MKLN1: variants seen among roughly 807,000 people sequenced by gnomAD.
MKLN1 encodes muskelin 1, also known as muskelin.
A neutral mutation model predicts 99.0 loss-of-function variants in MKLN1; 18 were observed. The observed-to-expected ratio is 0.18, with a 90% confidence interval of 0.13 to 0.27. MKLN1 has a LOEUF of 0.27. MKLN1 is among the 10% of genes least tolerant of loss of function. The probability of loss-of-function intolerance (pLI) is 1.00; values close to 1 mark genes in which losing one functional copy is unlikely to be tolerated. For synonymous variants in MKLN1, 288 were observed against 293.2 expected, an observed-to-expected ratio of 0.98 and a Z score of 0.18; for missense variants, 621 against 875.9, an observed-to-expected ratio of 0.71 and a Z score of 3.67.
chr7:131,253,184 T>C (rs945719422), intron 3 of MKLN1, among the ~76,000 whole-genome samples: 4 of 152,154 alleles, frequency 2.6e-5, no homozygotes, highest in African/African-American at 9.7e-5. Context: ...GTAAGAACAG[T>C]TGGGAGTCCA....
chr7:131,460,976 C>G (rs982333270), intron 12 of MKLN1, among the ~76,000 whole-genome samples: 11 of 152,182 alleles, frequency 7.2e-5, no homozygotes, highest in Admixed American at 5.2e-4. Context: ...CACATCACTT[C>G]TGAAAATTTA....
intron 2 of MKLN1, among the ~76,000 whole-genome samples, chr7:131,197,228 G>C (rs1796660362): frequency 6.6e-6 from 1 of 151,824 alleles, no homozygotes; most frequent in Admixed American, 6.6e-5. Flanking sequence ...TTTTGAGACA[G>C]GGTCTCGCTT....
chr7:131,335,616 TG>T (rs1365341254), intron 1 of MKLN1, among the ~76,000 whole-genome samples: 2 of 152,074 alleles, frequency 1.3e-5, no homozygotes, highest in African/African-American at 4.8e-5. Context: ...TCCCACAAAT[TG>T]TGGTATGTTA....
chr7:131,120,091 A>G (rs1417745611), intron 1 of MKLN1, among the ~76,000 whole-genome samples: 1 of 149,404 alleles, frequency 6.7e-6, no homozygotes, highest in African/African-American at 2.5e-5. Flanking sequence ...GAATGGTGTG[A>G]ACCTGGGAGG....
intron 3 of MKLN1, among the ~76,000 whole-genome samples, chr7:131,307,472 T>G (rs1798484791): frequency 6.6e-6 from 1 of 152,030 alleles, no homozygotes; most frequent in Non-Finnish European, 1.5e-5. Context: ...CTGCAGGAAC[T>G]CAAGGGCAGC....
chr7:131,198,213 T>G (rs1213348812), intron 2 of MKLN1, among the ~76,000 whole-genome samples: 1 of 152,246 alleles, frequency 6.6e-6, no homozygotes, highest in African/African-American at 2.4e-5. Context: ...TAATTCATCC[T>G]GCTTTGTTGC....
chr7:131,319,611 A>C (rs1798735328), intron 3 of MKLN1, among the ~76,000 whole-genome samples: 1 of 152,178 alleles, frequency 6.6e-6, no homozygotes, highest in Non-Finnish European at 1.5e-5. Flanking sequence ...CAGGCAAGAG[A>C]AAGAAATAAA....
intron 17 of MKLN1, among the ~76,000 whole-genome samples, chr7:131,484,399 G>T (rs1797215673): frequency 6.6e-6 from 1 of 152,086 alleles, no homozygotes; most frequent in Non-Finnish European, 1.5e-5. Context: ...CTCTTTCTGT[G>T]TAAAAGAGGT....
intron 2 of MKLN1, among the ~76,000 whole-genome samples, chr7:131,162,548 A>T: frequency 6.6e-6 from 1 of 152,204 alleles, no homozygotes; most frequent in Non-Finnish European, 1.5e-5. Context: ...GCACAAAATT[A>T]TTAACAGTAT....
At chr7:131,264,681 T>C (rs1797782218) in intron 3 of MKLN1, among the ~76,000 whole-genome samples, 1 of 152,184 alleles carries the variant, frequency 6.6e-6, no homozygotes, top group Admixed American at 6.5e-5. Context: ...TTATTGCTTA[T>C]TCGTGTTTGT....
chr7:131,274,376 C>G (rs968382205), intron 3 of MKLN1, among the ~76,000 whole-genome samples: 1 of 152,048 alleles, frequency 6.6e-6, no homozygotes, highest in Non-Finnish European at 1.5e-5. Context: ...GGAGTGGTGG[C>G]TCACGCCTGT....
chr7:131,371,834 A>G (rs1417234943), intron 1 of MKLN1, among the ~76,000 whole-genome samples: 4 of 151,518 alleles, frequency 2.6e-5, no homozygotes, highest in East Asian at 3.9e-4. Context: ...TTTAGAATCA[A>G]TTTCTTCTCA....
intron 3 of MKLN1, among the ~76,000 whole-genome samples, chr7:131,287,017 G>A (rs767087411): frequency 1.3e-5 from 2 of 152,198 alleles, no homozygotes; most frequent in South Asian, 2.1e-4. Context: ...TGGGAGGATC[G>A]ATTGAGCCCT....
At chr7:131,400,904 A>G (rs928717820) in intron 6 of MKLN1, among the ~76,000 whole-genome samples, 2 of 152,148 alleles carry the variant, frequency 1.3e-5, no homozygotes, top group Non-Finnish European at 2.9e-5. Flanking sequence ...TAGTTTTTGT[A>G]CTGTGAATAC....
chr7:131,151,694 AT>A (rs1385137953), intron 2 of MKLN1, among the ~76,000 whole-genome samples: 2 of 152,250 alleles, frequency 1.3e-5, no homozygotes, highest in Non-Finnish European at 2.9e-5. Context: ...CAGTATAAAA[AT>A]ATAGAATACA....
intron 1 of MKLN1, among the ~76,000 whole-genome samples, chr7:131,329,853 C>T (rs1476288991): frequency 6.6e-6 from 1 of 152,174 alleles, no homozygotes; most frequent in Admixed American, 6.6e-5. Flanking sequence ...TACATTGCTG[C>T]AATTTTCTCA....
intron 4 of MKLN1, among the ~76,000 whole-genome samples, chr7:131,393,280 C>A (rs1422889615): frequency 6.6e-6 from 1 of 152,130 alleles, no homozygotes; most frequent in Non-Finnish European, 1.5e-5. Flanking sequence ...ACAAAGAACA[C>A]GTGCCTGGAG....
intron 5 of MKLN1, among the ~76,000 whole-genome samples, chr7:131,397,609 G>T (rs1013330047): frequency 6.6e-6 from 1 of 152,120 alleles, no homozygotes; most frequent in East Asian, 1.9e-4. Flanking sequence ...TATAGATGAA[G>T]AAATGAAGAA....
intron 2 of MKLN1, among the ~76,000 whole-genome samples, chr7:131,198,744 T>C (rs988487243): frequency 2.0e-5 from 3 of 152,166 alleles, no homozygotes; most frequent in Admixed American, 2.0e-4. Flanking sequence ...TAAAAATGAC[T>C]ATTATTTTCA....
Sources: allele counts gnomAD v4.1 joint callset (sites outside exome capture counted in the v4.1 genomes callset), GRCh38; gene constraint gnomAD v4.1.1; transcripts MANE v1.5; gene names NCBI Gene and HGNC (gene_info 2026-07-23, HGNC 2026-07-21).